The following COL5A2 variants were observed in gnomAD, a reference collection of about 807,000 sequenced individuals.
COL5A2 encodes collagen alpha-2(V) chain.
Under a neutral mutation model 208.2 loss-of-function variants are expected in COL5A2, and 23 were observed. The ratio of observed to expected loss-of-function variants is 0.11; its 90% CI spans 0.08 to 0.16. COL5A2 has a LOEUF of 0.16. Among genes scored for constraint, COL5A2 ranks in the 10% least tolerant of loss-of-function variants. The pLI, the probability that COL5A2 is intolerant of heterozygous loss-of-function variation, is 1.00. For synonymous variants in COL5A2, 625 were observed against 628.5 expected (o/e 0.99, Z 0.08); for missense variants, 1,590 against 1,956.4 (o/e 0.81, Z 3.53).
At chr2:189,215,213 C>G (rs190494966) in intron 1 of COL5A2, among the ~76,000 whole-genome samples, 58 of 152,214 alleles carry the variant, frequency 3.8e-4, no homozygotes, top group African/African-American at 1.3e-3. Context: ...TCCCTGTTTA[C>G]CTGTGACTGT....
At chr2:189,224,047 C>G (rs1029823861) in intron 1 of COL5A2, among the ~76,000 whole-genome samples, 1 of 151,372 alleles carries the variant, frequency 6.6e-6, no homozygotes, top group Non-Finnish European at 1.5e-5. Context: ...TGAGAGATAA[C>G]AACAGGGAAG....
Position 189,059,953 on chromosome 2 carries a change from C to T in COL5A2, c.2085+777G>A, listed in dbSNP as rs150251692. On this transcript the variant is annotated intron_variant, in intron 31 of 53. Transcript: ENST00000374866. ...CAAATTAGAATCAAATTAAAGCCCT[C>T]CATAATCAGGCCCCTGAGTCACCCT... 7.1e-3 allele frequency among the ~76,000 whole-genome samples: 1,076 copies of T among 152,098 alleles called. 13 individuals carry two copies. The highest frequency in any genetic ancestry group is 0.024 in the African/African-American group (994 of 41,500).
At position 189,158,966 on chromosome 2, in the gene COL5A2, T is replaced by A. The variant is rs557593554; in HGVS notation, c.97+20542A>T. 8.5e-5 allele frequency among the ~76,000 whole-genome samples: 13 copies of A among 152,292 alleles called. No individual in the cohort carries two copies. In the South Asian group the frequency reaches 2.1e-3, roughly 24 times the overall value. ...TGAATTTCTTACTAAATATATAGATTGATTATTTGGTGCACCGAAGTCACA... is the reference window on the plus strand; with the variant it reads ...TGAATTTCTTACTAAATATATAGATAGATTATTTGGTGCACCGAAGTCACA... On this transcript the variant is annotated intron_variant, in intron 1 of 53. Coordinates refer to ENST00000374866, the MANE Select transcript of COL5A2 (RefSeq NM_000393.5).
chr2:189,269,940 A>T, the COL5A2 span, among the ~76,000 whole-genome samples: 2 of 152,158 alleles, frequency 1.3e-5, no homozygotes, highest in Non-Finnish European at 2.9e-5. Flanking sequence ...CAGGGATTCA[A>T]CTTCTTCCTG....
the COL5A2 span, among the ~76,000 whole-genome samples, chr2:189,440,977 C>T: frequency 1.3e-5 from 2 of 152,234 alleles, no homozygotes; most frequent in African/African-American, 2.4e-5. Context: ...AACAGAAGAA[C>T]GGCTAATGAG....
the COL5A2 span, among the ~76,000 whole-genome samples, chr2:189,296,273 C>T: frequency 6.6e-6 from 1 of 152,038 alleles, no homozygotes; most frequent in African/African-American, 2.4e-5. Context: ...TCTAGGACTT[C>T]TGTTGGTTTT....
At chr2:189,416,910 A>G in the COL5A2 span, among the ~76,000 whole-genome samples, 1 of 152,120 alleles carries the variant, frequency 6.6e-6, no homozygotes, top group Admixed American at 6.5e-5. Flanking sequence ...ATAAGATAAG[A>G]GCTTTTTAAA....
At chr2:189,348,843 C>T in the COL5A2 span, among the ~76,000 whole-genome samples, 2 of 152,132 alleles carry the variant, frequency 1.3e-5, no homozygotes, top group Non-Finnish European at 2.9e-5. Context: ...AATTCACAAA[C>T]AAGACAATTT....
chr2:189,224,996 A>G (rs1191366075), intron 1 of COL5A2, among the ~76,000 whole-genome samples: 1 of 152,194 alleles, frequency 6.6e-6, no homozygotes, highest in Admixed American at 6.6e-5. Context: ...ATAAAAAATA[A>G]ATCAACTGCA....
In COL5A2 at chr2:189,072,142, C is replaced by T. The variant is rs1408363834; in HGVS notation, c.1105-49G>A. On this transcript the variant is annotated intron_variant, in intron 17 of 53. Transcript: ENST00000374866. ...AATCAGACATGTATTCAATTAGTAT[C>T]TAATTAGGTCATTTTTTAGAGTTTG... 3 of 1,297,684 alleles carry T rather than the reference C, an allele frequency of 2.3e-6. No individual in the cohort carries two copies. In the African/African-American group the frequency reaches 4.4e-5, roughly 19 times the overall value. 80.4% of individuals were successfully genotyped at this position (1,297,684 alleles called of 1,614,324 possible).
the COL5A2 span, among the ~76,000 whole-genome samples, chr2:189,306,881 T>G: frequency 6.6e-6 from 1 of 152,234 alleles, no homozygotes; most frequent in Admixed American, 6.5e-5. Flanking sequence ...AGGGATTGAA[T>G]GAACAGTGCG....
At chr2:189,087,210 A>G (rs1014973820) in intron 8 of COL5A2, among the ~76,000 whole-genome samples, 4 of 152,192 alleles carry the variant, frequency 2.6e-5, no homozygotes, top group Admixed American at 1.3e-4. Context: ...CATCAACAAT[A>G]ATGACTAGAT....
chr2:189,075,854 C>T (rs1455052571), intron 16 of COL5A2, among the ~76,000 whole-genome samples: 3 of 152,106 alleles, frequency 2.0e-5, no homozygotes, highest in Admixed American at 6.6e-5. Flanking sequence ...GTAGGTTTCA[C>T]CCAGAGCTCC....
Position 189,053,003 on chromosome 2 carries a change from G to A in COL5A2, c.2569C>T (p.Pro857Ser). The stretch of plus-strand genomic sequence containing the variant: ...TCTCCAGGTTCACCTTTTACTCCAG[G>A]CTGTCCGTCAGGACCCTATAAAAAA... The part of the protein sequence containing the change: ...FAGPQGPDGQ[P>S]GVKGEPGEPG... The change falls in exon 39 of 54, where the codon CCT (proline) becomes TCT (serine). Residue 857 changes from proline to serine, a missense_variant. Physicochemically the swap from Pro to Ser is moderately conservative, Grantham distance 74. Coordinates refer to ENST00000374866, the MANE Select transcript of COL5A2 (RefSeq NM_000393.5). 6.2e-7 allele frequency: 1 copy of A among 1,613,782 alleles called. No homozygotes were observed. Among genetic ancestry groups the A allele is most frequent in the Non-Finnish European group, 8.5e-7 (1 of 1,179,826 alleles).
At chr2:189,108,969 G>GT (rs5837126) in intron 2 of COL5A2, among the ~76,000 whole-genome samples, 7,981 of 139,636 alleles carry the variant, frequency 0.057, 312 homozygotes, top group African/African-American at 0.11. Flanking sequence ...ACTTTATTAA[G>GT]TTTTTTTTTT....
intron 1 of COL5A2, among the ~76,000 whole-genome samples, chr2:189,154,118 C>T (rs6737071): frequency 0.61 from 92,535 of 151,908 alleles, 29,170 homozygotes; most frequent in East Asian, 0.78. Context: ...AAAAGGCACA[C>T]ACACATACAC....
the COL5A2 span, among the ~76,000 whole-genome samples, chr2:189,421,585 G>A: frequency 7.6e-3 from 1,155 of 151,868 alleles, 17 homozygotes; most frequent in African/African-American, 0.027. Context: ...ACTAACACAG[G>A]GACCACCACA....
At chr2:189,346,479 C>A in the COL5A2 span, among the ~76,000 whole-genome samples, 1 of 152,072 alleles carries the variant, frequency 6.6e-6, no homozygotes, top group Non-Finnish European at 1.5e-5. Context: ...CCATCAAAAT[C>A]GTCACATATA....
At chr2:189,242,027 C>A in the COL5A2 span, among the ~76,000 whole-genome samples, 1 of 152,202 alleles carries the variant, frequency 6.6e-6, no homozygotes, top group Non-Finnish European at 1.5e-5. Context: ...ATGCTTGAGC[C>A]CTTTCACACT....
Sources: gnomAD v4.1 joint callset for allele counts (sites outside exome capture counted in the v4.1 genomes callset) on GRCh38, gnomAD v4.1.1 for gene constraint, MANE v1.5 for transcripts, NCBI Gene and HGNC (gene_info 2026-07-23, HGNC 2026-07-21) for gene names.